The following SPINK7 variants were observed in gnomAD, a reference collection of about 807,000 sequenced individuals.
The protein encoded by SPINK7 is serine protease inhibitor Kazal-type 7.
Under a neutral mutation model 11.6 loss-of-function variants are expected in SPINK7, and 8 were observed. The observed-to-expected ratio is 0.69, with a 90% CI of 0.41 to 1.25. SPINK7 has a LOEUF of 1.25. Among genes scored for constraint, SPINK7 ranks in the 50% most tolerant of loss-of-function variants. The pLI is 0.01. For missense variants in SPINK7, 113 were observed against 99.3 expected, an observed-to-expected ratio of 1.14 and a Z score of -0.58; for synonymous variants, 38 against 35.3, an observed-to-expected ratio of 1.08 and a Z score of -0.27.
chr5:148,313,587 G>T, intron 2 of SPINK7, 188 bp downstream of exon 2: 1 of 424,304 alleles, frequency 2.4e-6, no homozygotes, highest in Middle Eastern at 5.0e-4. Context: ...TTTTAAAAAT[G>T]TTTTTTAAAA....
chr5:148,315,226 G>GCCGGGAAACTAGCCCTTGT (rs1756913841), intron 3 of SPINK7, among the ~76,000 whole-genome samples: 1 of 152,108 alleles, frequency 6.6e-6, no homozygotes, highest in Non-Finnish European at 1.5e-5. Flanking sequence ...CTAGCCCTTG[G>GCCGGGAAACTAGCCCTTGT]CCAGGAAACT....
At chr5:148,314,264 T>G (rs752501117) in intron 3 of SPINK7, 40 bp downstream of exon 3, 7 of 1,606,640 alleles carry the variant, frequency 4.4e-6, no homozygotes, top group Non-Finnish European at 4.3e-6. Flanking sequence ...CTGGAGTCAG[T>G]GCTCTCTACT....
rs201613803 is a variant in SPINK7, at chr5:148,313,389, C to T, written c.77C>T (p.Ser26Phe). 6.2e-7 allele frequency: 1 copy of T among 1,600,904 alleles called. No individual in the cohort carries two copies. The highest frequency in any genetic ancestry group is 8.5e-7 in the Non-Finnish European group (1 of 1,171,522). Residue 26 changes from serine (S) to phenylalanine (F), a missense_variant, in exon 2 of 4, where the codon TCT (serine) becomes TTT (phenylalanine). Transcript: ENST00000274565. Reference sequence around the variant, plus strand: ...TCTTTTTCAGAAGCTGCTAGTCTGTCTCCAAAAAAAGTAAGTATGTTGAAT... The same window carrying T: ...TCTTTTTCAGAAGCTGCTAGTCTGTTTCCAAAAAAAGTAAGTATGTTGAAT... Reference protein sequence around the residue: ...FCSSSEAASLSPKKVDCSIYK... With the variant: ...FCSSSEAASLFPKKVDCSIYK...
intron 3 of SPINK7, among the ~76,000 whole-genome samples, chr5:148,315,188 A>T (rs1195435994): frequency 6.6e-6 from 1 of 152,136 alleles, no homozygotes; most frequent in African/African-American, 2.4e-5. Flanking sequence ...CAAAAGGGAA[A>T]ATTCTGTAAC....
intron 2 of SPINK7, 191 bp downstream of exon 2, chr5:148,313,590 T>G: frequency 2.3e-6 from 1 of 431,942 alleles, no homozygotes; most frequent in South Asian, 5.4e-5. Flanking sequence ...TAAAAATGTT[T>G]TTTAAAAATG....
At chr5:148,313,928 T>G in intron 2 of SPINK7, 172 bp from the exon 3 acceptor site, 1 of 738,426 alleles carries the variant, frequency 1.4e-6, no homozygotes. Flanking sequence ...CAGAAAAAAA[T>G]AGAATACCAG....
At chr5:148,313,904 T>C (rs1756894809) in intron 2 of SPINK7, 196 bp from the exon 3 acceptor site, 1 of 639,108 alleles carries the variant, frequency 1.6e-6, no homozygotes. Flanking sequence ...CCAGCAATTG[T>C]TAACTGAGTG....
chr5:148,312,540 C>T lies in SPINK7; in HGVS notation c.57C>T (p.Ser19=). Residue 19 remains serine (S), a synonymous_variant, in exon 1 of 4, where the codon AGC becomes AGT. Coordinates refer to ENST00000274565, the MANE Select transcript of SPINK7 (RefSeq NM_032566.3). ...GTACAGTGGTCTATTTCTGTAGCAGCTCAGGTAAGTTAAGGTCAGACAGTG... is the reference window on the plus strand; with the variant it reads ...GTACAGTGGTCTATTTCTGTAGCAGTTCAGGTAAGTTAAGGTCAGACAGTG... ...LLCTVVYFCS[S]SEAASLSPKK... 3 of 1,601,948 alleles carry T rather than the reference C, an allele frequency of 1.9e-6. No individual in the cohort carries two copies. Among genetic ancestry groups the T allele is most frequent in the Non-Finnish European group, 1.7e-6 (2 of 1,170,472 alleles).
At chr5:148,314,545 C>T in intron 3 of SPINK7, 1 of 356,124 alleles carries the variant, frequency 2.8e-6, no homozygotes, top group Non-Finnish European at 5.1e-6. Flanking sequence ...TCAGGAGTCA[C>T]CATTAGGGTT....
chr5:148,315,110 GAAC>G (rs1209579224), intron 3 of SPINK7, among the ~76,000 whole-genome samples: 21 of 152,096 alleles, frequency 1.4e-4, no homozygotes, highest in Non-Finnish European at 2.2e-4. Context: ...TAACAAGTGA[GAAC>G]AACAAGCCCT....
chr5:148,314,900 A>G (rs1756910167), intron 3 of SPINK7, among the ~76,000 whole-genome samples: 1 of 152,182 alleles, frequency 6.6e-6, no homozygotes, highest in South Asian at 2.1e-4. Context: ...AATACCACGG[A>G]CATGTTTTGT....
rs573168748 is a variant in SPINK7 at position 148,313,629 on chromosome 5, C to T, written c.87+230C>T. On this transcript the variant is annotated intron_variant, in intron 2 of 3. Transcript: ENST00000274565. ...GAGTTAAAGAAGGGAGAACCGCCTT[C>T]CAGCTGAGAAGTTGGTGATGTTTTC... is the stretch of plus-strand genomic sequence containing the variant. The T allele has an allele frequency of 1.2e-5, 5 of 410,810 alleles. No homozygotes were observed. In the South Asian group the frequency reaches 2.8e-4, roughly 23 times the overall value. 25.4% of individuals were successfully genotyped at this position (410,810 alleles called of 1,614,324 possible).
chr5:148,312,518 CAGTG>C lies in SPINK7; in HGVS notation c.36_39del (p.Val13SerfsTer58). 1.2e-6 allele frequency: 2 copies of C among 1,611,024 alleles called. No individual in the cohort carries two copies. Among genetic ancestry groups the C allele is most frequent in the Non-Finnish European group, 1.7e-6 (2 of 1,177,704 alleles). On this transcript the variant is annotated frameshift_variant, in exon 1 of 4. Transcript: ENST00000274565. LOFTEE classifies it high-confidence loss of function. Reference sequence around the variant, plus strand: ...ACTGGGGGTCTCCTTCTGCTCTGTACAGTGGTCTATTTCTGTAGCAGCTCAGGTA... The same window carrying C: ...ACTGGGGGTCTCCTTCTGCTCTGTACGTCTATTTCTGTAGCAGCTCAGGTA...
At position 148,315,741 on chromosome 5, in the gene SPINK7, C is replaced by G; in HGVS notation, c.*57C>G. The G allele has an allele frequency of 9.3e-7, 1 of 1,073,852 alleles. No homozygotes were observed. Among genetic ancestry groups the G allele is most frequent in the African/African-American group, 1.6e-5 (1 of 64,282 alleles). The allele number at this position is 1,073,852 out of a possible 1,614,324, so 66.5% of individuals were successfully genotyped here. A position where few individuals can be genotyped will look rare whatever the true frequency, so the allele number is the denominator to read the frequency against. ...TATTCTCATCATCATCTTCATCATCCCAGGCTCTGACTGAGTTTCTTTCAG... is the reference window on the plus strand; with the variant it reads ...TATTCTCATCATCATCTTCATCATCGCAGGCTCTGACTGAGTTTCTTTCAG... On this transcript the variant is annotated 3_prime_UTR_variant, in exon 4 of 4. Coordinates refer to ENST00000274565, the MANE Select transcript of SPINK7 (RefSeq NM_032566.3).
intron 1 of SPINK7, 38 bp from the exon 2 acceptor site, chr5:148,313,336 C>T (rs766816864): frequency 2.1e-5 from 32 of 1,556,838 alleles, no homozygotes; most frequent in South Asian, 1.9e-4. Flanking sequence ...TTAAAGTTTG[C>T]TTTACTTTTA....
At chr5:148,314,460 C>A in intron 3 of SPINK7, 1 of 553,634 alleles carries the variant, frequency 1.8e-6, no homozygotes, top group Non-Finnish European at 3.2e-6. Context: ...TCCTGTCTGT[C>A]AATTGTGAGA....
At chr5:148,313,297 A>G in intron 1 of SPINK7, 77 bp from the exon 2 acceptor site, 2 of 1,090,710 alleles carry the variant, frequency 1.8e-6, no homozygotes, top group Non-Finnish European at 1.4e-6. Flanking sequence ...GTAATTATAT[A>G]GGATGAAACT....
intron 3 of SPINK7, among the ~76,000 whole-genome samples, chr5:148,314,734 G>C (rs556238293): frequency 2.0e-5 from 3 of 152,182 alleles, no homozygotes; most frequent in East Asian, 1.9e-4. Context: ...CCTCACTGCA[G>C]CTTGATTCTT....
Position 148,312,495 on chromosome 5 carries a change from TG to T in SPINK7, c.17del (p.Gly6ValfsTer66). The T allele has an allele frequency of 4.3e-6, 7 of 1,611,714 alleles. No individual in the cohort carries two copies. Among genetic ancestry groups the T allele is most frequent in the Non-Finnish European group, 4.2e-6 (5 of 1,178,002 alleles). On this transcript the variant is annotated frameshift_variant, in exon 1 of 4. Transcript: ENST00000274565. LOFTEE classifies it high-confidence loss of function. Reference sequence around the variant, plus strand: ...CAGCCATTTCCAGCATGAAGATCACTGGGGGTCTCCTTCTGCTCTGTACAGT... The same window carrying T: ...CAGCCATTTCCAGCATGAAGATCACTGGGGTCTCCTTCTGCTCTGTACAGT... MKIT[G>X]GLLLLCTVVY...
Sources: gnomAD v4.1 joint callset for allele counts (sites outside exome capture counted in the v4.1 genomes callset) on GRCh38, gnomAD v4.1.1 for gene constraint, MANE v1.5 for transcripts, NCBI Gene and HGNC (gene_info 2026-07-23, HGNC 2026-07-21) for gene names.